Variants in RAPGEF4 observed in about 807,000 individuals in gnomAD.
The protein encoded by RAPGEF4 is RAP guanine-nucleotide-exchange factor (GEF) 4.
RAPGEF4 carries 66 observed loss-of-function variants against 147.9 expected under a neutral mutation model. That is an observed-to-expected ratio of 0.45 (90% CI 0.37 to 0.55). RAPGEF4 has a LOEUF of 0.55. RAPGEF4 is among the 20% of genes least tolerant of loss of function. The pLI is 0.00. For missense variants in RAPGEF4, 1,071 were observed against 1,257.3 expected (o/e 0.85, Z 2.24); for synonymous variants, 419 against 442.7 (o/e 0.95, Z 0.67).
intron 6 of RAPGEF4, among the ~76,000 whole-genome samples, chr2:172,941,531 T>C (rs1474966846): frequency 3.3e-5 from 5 of 152,230 alleles, no homozygotes. Context: ...TATTGCCACG[T>C]CTGACAAAAA....
At chr2:172,966,305 C>A (rs1689835399) in intron 9 of RAPGEF4, among the ~76,000 whole-genome samples, 1 of 152,168 alleles carries the variant, frequency 6.6e-6, no homozygotes, top group African/African-American at 2.4e-5. Context: ...TAAAAACATT[C>A]ATTTCATTTA....
intron 4 of RAPGEF4, among the ~76,000 whole-genome samples, chr2:172,890,212 T>G (rs1404525612): frequency 6.6e-6 from 1 of 152,230 alleles, no homozygotes. Context: ...ACATTTGTAG[T>G]GGCTCTATTT....
At chr2:172,897,409 TAGAG>T (rs1274136075) in intron 4 of RAPGEF4, among the ~76,000 whole-genome samples, 1 of 151,308 alleles carries the variant, frequency 6.6e-6, no homozygotes, top group African/African-American at 2.4e-5. Flanking sequence ...TATATATATA[TAGAG>T]AGAGAGACAG....
intron 8 of RAPGEF4, among the ~76,000 whole-genome samples, chr2:172,964,606 G>A (rs1341486149): frequency 6.6e-6 from 1 of 152,006 alleles, no homozygotes; most frequent in Non-Finnish European, 1.5e-5. Context: ...GTGCCCCAGA[G>A]GTGGTGCTGT....
At chr2:172,911,216 G>A (rs1189768384) in intron 4 of RAPGEF4, among the ~76,000 whole-genome samples, 2 of 152,194 alleles carry the variant, frequency 1.3e-5, no homozygotes, top group Non-Finnish European at 2.9e-5. Flanking sequence ...CCCTGATGAT[G>A]CTTCTTCTCA....
At chr2:173,017,908 G>A (rs1051517026) in intron 21 of RAPGEF4, among the ~76,000 whole-genome samples, 27 of 152,072 alleles carry the variant, frequency 1.8e-4, no homozygotes, top group African/African-American at 6.5e-4. Context: ...CCCTGAGCAG[G>A]GAGGCTTTAC....
intron 4 of RAPGEF4, among the ~76,000 whole-genome samples, chr2:172,902,676 C>T (rs1252618170): frequency 6.6e-6 from 1 of 152,138 alleles, no homozygotes; most frequent in African/African-American, 2.4e-5. Flanking sequence ...CACCTCCTAG[C>T]CTTTATGCTG....
intron 1 of RAPGEF4, among the ~76,000 whole-genome samples, chr2:172,760,642 C>T (rs999001304): frequency 3.3e-5 from 5 of 150,702 alleles, no homozygotes; most frequent in East Asian, 2.0e-4. Context: ...GGCATGAACC[C>T]GGGAGGCGGA....
intron 4 of RAPGEF4, among the ~76,000 whole-genome samples, chr2:172,890,582 A>G (rs1426999447): frequency 6.6e-6 from 1 of 152,154 alleles, no homozygotes; most frequent in Non-Finnish European, 1.5e-5. Flanking sequence ...GTGCTAATCA[A>G]CCAGGTTACG....
intron 3 of RAPGEF4, among the ~76,000 whole-genome samples, chr2:172,812,654 A>G (rs1688134585): frequency 6.6e-6 from 1 of 152,226 alleles, no homozygotes; most frequent in Non-Finnish European, 1.5e-5. Context: ...CTTTTGCATT[A>G]TACTTCGCAA....
intron 29 of RAPGEF4, among the ~76,000 whole-genome samples, chr2:173,039,241 A>T (rs1475184505): frequency 2.6e-5 from 4 of 151,648 alleles, no homozygotes; most frequent in Non-Finnish European, 5.9e-5. Flanking sequence ...GTGGATCACG[A>T]GGTCAGGAGA....
chr2:172,978,876 C>A (rs1315664725), intron 10 of RAPGEF4, among the ~76,000 whole-genome samples: 1 of 152,130 alleles, frequency 6.6e-6, no homozygotes, highest in Non-Finnish European at 1.5e-5. Flanking sequence ...GTTAAAATAT[C>A]TTTTCTGCCA....
intron 6 of RAPGEF4, among the ~76,000 whole-genome samples, chr2:172,934,548 A>C (rs1686343928): frequency 6.6e-6 from 1 of 152,184 alleles, no homozygotes; most frequent in South Asian, 2.1e-4. Flanking sequence ...CAATGCAATG[A>C]ATTATTGATT....
At chr2:173,009,454 G>C (rs1287271021) in intron 17 of RAPGEF4, among the ~76,000 whole-genome samples, 1 of 152,126 alleles carries the variant, frequency 6.6e-6, no homozygotes, top group African/African-American at 2.4e-5. Context: ...TTGATTTAAT[G>C]CTTCCAGATG....
chr2:172,978,817 C>A (rs979869906), intron 10 of RAPGEF4, among the ~76,000 whole-genome samples: 5 of 152,202 alleles, frequency 3.3e-5, no homozygotes, highest in African/African-American at 1.2e-4. Flanking sequence ...GATAGTTCAT[C>A]GTTTGTGGTG....
At chr2:172,929,247 A>G (rs1252229143) in intron 6 of RAPGEF4, among the ~76,000 whole-genome samples, 6 of 152,242 alleles carry the variant, frequency 3.9e-5, no homozygotes, top group Admixed American at 2.0e-4. Context: ...TAGTGTTGAC[A>G]TGTCATTTAG....
intron 19 of RAPGEF4, 23 bp from the exon 20 acceptor site, chr2:173,017,151 T>C: frequency 1.9e-6 from 3 of 1,609,086 alleles, no homozygotes; most frequent in Non-Finnish European, 2.6e-6. Flanking sequence ...TATTAAATAA[T>C]GTGCTTTCTC....
rs1689739854 is a variant in RAPGEF4, at chr2:172,965,546, T to C, written c.699-16T>C. The C allele has an allele frequency of 2.5e-6, 4 of 1,612,462 alleles. No homozygotes were observed. Among genetic ancestry groups the C allele is most frequent in the Non-Finnish European group, 3.4e-6 (4 of 1,178,644 alleles). ...AGGGGTGACTTCCCCACCCTTTCTG[T>C]CTCACCTCTCCTTAGACAATGCTGT... is the stretch of plus-strand genomic sequence containing the variant. On this transcript the variant is annotated splice_polypyrimidine_tract_variant and intron_variant, in intron 8 of 30. Transcript: ENST00000397081.
intron 4 of RAPGEF4, among the ~76,000 whole-genome samples, chr2:172,902,572 GTC>G (rs1699186566): frequency 6.6e-6 from 1 of 152,058 alleles, no homozygotes; most frequent in Non-Finnish European, 1.5e-5. Context: ...CAGCACTGCC[GTC>G]TCTCATGCCC....
Sources: gnomAD v4.1 joint callset for allele counts (sites outside exome capture counted in the v4.1 genomes callset) on GRCh38, gnomAD v4.1.1 for gene constraint, MANE v1.5 for transcripts, NCBI Gene and HGNC (gene_info 2026-07-23, HGNC 2026-07-21) for gene names.